Variants in SCLT1 observed in about 807,000 individuals in gnomAD.
The protein encoded by SCLT1 is sodium channel-associated protein 1.
In SCLT1, 78 loss-of-function variants were observed where a neutral mutation model predicts 112.8. That is an observed-to-expected ratio of 0.69 (90% CI 0.58 to 0.83). The LOEUF is 0.83. Among genes scored for constraint, SCLT1 ranks in the 40% least tolerant of loss-of-function variants. The pLI is 0.00. For missense variants in SCLT1, 747 were observed against 770.4 expected, an observed-to-expected ratio of 0.97 and a Z score of 0.36; for synonymous variants, 257 against 254.7, an observed-to-expected ratio of 1.01 and a Z score of -0.09.
At chr4:129,006,537 CAA>C (rs57162820) in intron 5 of SCLT1, among the ~76,000 whole-genome samples, 38,788 of 133,542 alleles carry the variant, frequency 0.29, 5,082 homozygotes, top group South Asian at 0.36. Context: ...GACTCTGTCT[CAA>C]AAAAAAAAAA....
chr4:129,082,608 C>A (rs1264515240), intron 1 of SCLT1, among the ~76,000 whole-genome samples: 1 of 152,142 alleles, frequency 6.6e-6, no homozygotes, highest in Non-Finnish European at 1.5e-5. Context: ...CTGCAAAGAA[C>A]TACCATTTCT....
intron 5 of SCLT1, among the ~76,000 whole-genome samples, chr4:129,006,040 T>C (rs958211234): frequency 7.6e-6 from 1 of 132,360 alleles, no homozygotes; most frequent in Admixed American, 7.5e-5. Flanking sequence ...GGGGGAGGGA[T>C]AGCATTAGGA....
At chr4:128,933,721 C>T (rs1370314182) in intron 18 of SCLT1, among the ~76,000 whole-genome samples, 4 of 152,050 alleles carry the variant, frequency 2.6e-5, no homozygotes. Context: ...AGTTCATAAA[C>T]TCTTATTTCC....
chr4:128,927,642 G>C (rs1263154331), intron 18 of SCLT1, among the ~76,000 whole-genome samples: 1 of 151,660 alleles, frequency 6.6e-6, no homozygotes, highest in Non-Finnish European at 1.5e-5. Context: ...GTATACTAAA[G>C]CTAAGACATA....
In SCLT1 at chr4:129,082,308, G is replaced by A. The variant is rs769113147; in HGVS notation, c.100C>T (p.Gln34Ter). The A allele has an allele frequency of 9.4e-6, 14 of 1,492,236 alleles. No homozygotes were observed. Among genetic ancestry groups the A allele is most frequent in the African/African-American group, 2.8e-5 (2 of 72,162 alleles). 92.4% of individuals were successfully genotyped at this position (1,492,236 alleles called of 1,614,324 possible). A position where few individuals can be genotyped will look rare whatever the true frequency, so the allele number is the denominator to read the frequency against. The change falls in exon 2 of 21, where the codon CAG becomes TAG. Residue 34 changes from glutamine (Q) to a stop codon, truncating the protein, a stop_gained and splice_region_variant. Coordinates refer to ENST00000281142, the MANE Select transcript of SCLT1 (RefSeq NM_144643.4). LOFTEE classifies it high-confidence loss of function. ...MESFSKYSSVQKAVCQGEGDD... is the reference protein window; with the variant it reads ...MESFSKYSSV ...AGTAGAATTTATAATTTACATACCT[G>A]TACAGATGAATATTTGGAAAAACTT...
At chr4:128,933,406 A>G (rs1027164963) in intron 18 of SCLT1, among the ~76,000 whole-genome samples, 1 of 152,040 alleles carries the variant, frequency 6.6e-6, no homozygotes, top group Non-Finnish European at 1.5e-5. Context: ...TTTATTGCAC[A>G]TATTCTTTTT....
chr4:129,030,754 A>G (rs978701382), intron 5 of SCLT1, among the ~76,000 whole-genome samples: 1 of 152,148 alleles, frequency 6.6e-6, no homozygotes. Context: ...CCAAGACTAA[A>G]CCAGGAAGAA....
chr4:129,069,146 T>G (rs1339055412), intron 2 of SCLT1, among the ~76,000 whole-genome samples: 1 of 152,210 alleles, frequency 6.6e-6, no homozygotes, highest in Non-Finnish European at 1.5e-5. Flanking sequence ...CCTATTTTTA[T>G]ACCAGTACCA....
intron 2 of SCLT1, among the ~76,000 whole-genome samples, chr4:129,073,171 A>G (rs1561052854): frequency 6.6e-6 from 1 of 152,096 alleles, no homozygotes; most frequent in African/African-American, 2.4e-5. Flanking sequence ...TGGGTCTCTC[A>G]GCCATGCATA....
At chr4:129,024,645 T>C (rs1023789776) in intron 5 of SCLT1, among the ~76,000 whole-genome samples, 1 of 152,158 alleles carries the variant, frequency 6.6e-6, no homozygotes, top group Non-Finnish European at 1.5e-5. Flanking sequence ...AGAGCGACTC[T>C]CCTCCTCCAA....
intron 11 of SCLT1, among the ~76,000 whole-genome samples, chr4:128,962,066 C>T (rs4975291): frequency 0.74 from 112,171 of 152,062 alleles, 42,427 homozygotes; most frequent in African/African-American, 0.92. Flanking sequence ...CAGCCCTGAC[C>T]TCCTTGGCAG....
chr4:128,924,193 T>C (rs1736112759), intron 18 of SCLT1, among the ~76,000 whole-genome samples: 1 of 152,062 alleles, frequency 6.6e-6, no homozygotes, highest in Admixed American at 6.6e-5. Flanking sequence ...CTAATTGCAA[T>C]TTTTTTCTCA....
chr4:128,963,242 T>A (rs970120189), intron 11 of SCLT1, among the ~76,000 whole-genome samples: 1 of 152,218 alleles, frequency 6.6e-6, no homozygotes, highest in Non-Finnish European at 1.5e-5. Context: ...TTTAAGTTTT[T>A]ACTTATTTTT....
At chr4:129,089,577 G>A (rs774535758) in intron 1 of SCLT1, among the ~76,000 whole-genome samples, 4 of 152,086 alleles carry the variant, frequency 2.6e-5, no homozygotes, top group African/African-American at 9.7e-5. Context: ...TGTTTAATGC[G>A]GCACTATTCA....
At chr4:129,015,855 C>A (rs1744943597) in intron 5 of SCLT1, among the ~76,000 whole-genome samples, 2 of 152,176 alleles carry the variant, frequency 1.3e-5, no homozygotes, top group Admixed American at 6.5e-5. Flanking sequence ...CAGTGCCTTC[C>A]TTCTGAGAAT....
intron 10 of SCLT1, among the ~76,000 whole-genome samples, chr4:128,967,119 C>A (rs113296630): frequency 6.6e-6 from 1 of 152,070 alleles, no homozygotes. Context: ...TTTGGTTTTC[C>A]GTTCCTGAGT....
intron 10 of SCLT1, 87 bp downstream of exon 10, chr4:128,970,291 C>G (rs1740578535): frequency 1.3e-6 from 1 of 743,984 alleles, no homozygotes; most frequent in Non-Finnish European, 2.3e-6. Context: ...TCTGACAACC[C>G]TCTTTAACAC....
chr4:128,947,331 G>A (rs1045316325), intron 15 of SCLT1, among the ~76,000 whole-genome samples: 5 of 152,142 alleles, frequency 3.3e-5, no homozygotes, highest in African/African-American at 7.2e-5. Flanking sequence ...GAAATTGTAC[G>A]CAGATGGAAA....
chr4:128,890,856 C>T (rs932820718), intron 19 of SCLT1, among the ~76,000 whole-genome samples: 2 of 152,100 alleles, frequency 1.3e-5, no homozygotes, highest in Non-Finnish European at 2.9e-5. Context: ...AGAGCTCTAC[C>T]TTTTATTATT....
Sources: allele counts gnomAD v4.1 joint callset (sites outside exome capture counted in the v4.1 genomes callset), GRCh38; gene constraint gnomAD v4.1.1; transcripts MANE v1.5; gene names NCBI Gene and HGNC (gene_info 2026-07-23, HGNC 2026-07-21).